MED13L: variants seen among roughly 807,000 people sequenced by gnomAD.
MED13L encodes the protein mediator complex subunit 13L, also known as mediator of RNA polymerase II transcription subunit 13-like.
Under a neutral mutation model 220.9 loss-of-function variants are expected in MED13L, and 7 were observed. The ratio of observed to expected loss-of-function variants is 0.03; its 90% CI spans 0.02 to 0.06. The LOEUF (loss-of-function observed/expected upper bound fraction) is 0.06. Ranked by LOEUF, MED13L falls within the 10% of genes least tolerant of loss-of-function variation. MED13L has a pLI of 1.00. For missense variants in MED13L, 1,965 were observed against 2,760.5 expected, an observed-to-expected ratio of 0.71 and a Z score of 6.46; for synonymous variants, 1,011 against 1,015.2, an observed-to-expected ratio of 1.00 and a Z score of 0.08.
intron 2 of MED13L, among the ~76,000 whole-genome samples, chr12:116,237,050 A>G (rs1162415870): frequency 6.6e-6 from 1 of 152,142 alleles, no homozygotes; most frequent in Non-Finnish European, 1.5e-5. Context: ...TTTCTGTATC[A>G]CTCTCCAATT....
chr12:115,968,694 T>C (rs1051856249), intron 28 of MED13L, among the ~76,000 whole-genome samples: 3 of 152,228 alleles, frequency 2.0e-5, no homozygotes, highest in Non-Finnish European at 2.9e-5. Context: ...TTAAAAACCC[T>C]TGCATCTGTA....
At chr12:116,193,824 T>G (rs1041673459) in intron 2 of MED13L, among the ~76,000 whole-genome samples, 2 of 152,180 alleles carry the variant, frequency 1.3e-5, no homozygotes. Flanking sequence ...GTCCAAAGAA[T>G]GTAACTCACA....
chr12:116,102,459 G>C (rs1873136172), intron 3 of MED13L, among the ~76,000 whole-genome samples: 1 of 152,078 alleles, frequency 6.6e-6, no homozygotes, highest in East Asian at 1.9e-4. Flanking sequence ...TACATCTTCT[G>C]TTAATCATCG....
At chr12:115,969,486 C>T (rs1876425013) in intron 27 of MED13L, among the ~76,000 whole-genome samples, 1 of 152,170 alleles carries the variant, frequency 6.6e-6, no homozygotes, top group African/African-American at 2.4e-5. Flanking sequence ...ATCTAAAACA[C>T]CAGAGGCTGA....
At chr12:116,082,261 C>CCTT (rs1871288607) in intron 4 of MED13L, among the ~76,000 whole-genome samples, 1 of 152,038 alleles carries the variant, frequency 6.6e-6, no homozygotes, top group African/African-American at 2.4e-5. Flanking sequence ...GTGACAAGTG[C>CCTT]CTAAGAAGGG....
intron 4 of MED13L, among the ~76,000 whole-genome samples, chr12:116,038,795 G>C (rs1457662996): frequency 2.1e-5 from 3 of 146,062 alleles, no homozygotes; most frequent in Non-Finnish European, 3.0e-5. Context: ...ACGAGTACTG[G>C]TGCTAGCTAG....
intron 1 of MED13L, among the ~76,000 whole-genome samples, chr12:116,245,973 A>G (rs1332545958): frequency 6.6e-6 from 1 of 152,156 alleles, no homozygotes; most frequent in African/African-American, 2.4e-5. Context: ...ATCACTGTAA[A>G]CTTTCAGCAC....
At chr12:116,076,185 A>G (rs1195552198) in intron 4 of MED13L, among the ~76,000 whole-genome samples, 1 of 152,162 alleles carries the variant, frequency 6.6e-6, no homozygotes, top group African/African-American at 2.4e-5. Flanking sequence ...AGTGCTGGCC[A>G]GAAGATTTTT....
intron 1 of MED13L, among the ~76,000 whole-genome samples, chr12:116,256,682 CTTTTT>C (rs35608298): frequency 4.2e-5 from 4 of 96,236 alleles, no homozygotes; most frequent in Admixed American, 1.4e-4. Context: ...AAACAAACTA[CTTTTT>C]TTTTTTTTTT....
At chr12:116,135,774 A>G (rs1034422497) in intron 2 of MED13L, among the ~76,000 whole-genome samples, 14 of 152,236 alleles carry the variant, frequency 9.2e-5, no homozygotes, top group African/African-American at 3.4e-4. Flanking sequence ...AAACTTTAGT[A>G]TAAGTCAATC....
intron 2 of MED13L, among the ~76,000 whole-genome samples, chr12:116,192,858 C>T (rs1376538273): frequency 6.6e-6 from 1 of 151,806 alleles, no homozygotes; most frequent in Admixed American, 6.6e-5. Flanking sequence ...ATGGGCCGGG[C>T]GCCATGGCTC....
chr12:116,276,465 C>T (rs1261001205), intron 1 of MED13L: 3 of 1,288,724 alleles, frequency 2.3e-6, no homozygotes, highest in Admixed American at 2.3e-5. Flanking sequence ...TTACGGCTCT[C>T]CAGCATAGTA....
At position 115,984,256 on chromosome 12, in the gene MED13L, G is replaced by C; in HGVS notation, c.4455C>G (p.Asn1485Lys). The change falls in exon 20 of 31, where the codon AAC becomes AAG. Residue 1485 changes from asparagine (N) to lysine (K), a missense_variant. Asn to Lys is a moderately conservative substitution (Grantham distance 94). This residue lies in a region of MED13L where 510 missense variants were observed against 620.4 expected (regional missense o/e 0.82). Coordinates refer to ENST00000281928, the MANE Select transcript of MED13L (RefSeq NM_015335.5). ...CATTCTCCTCGCCGCTCCAAGGCTGGTTAAACCACTCACTCACAAGCTCAT... is the reference window on the plus strand; with the variant it reads ...CATTCTCCTCGCCGCTCCAAGGCTGCTTAAACCACTCACTCACAAGCTCAT... ...LTDELVSEWF[N>K]QPWSGEENDN... 1 of 1,614,020 alleles carries C rather than the reference G, an allele frequency of 6.2e-7. No individual in the cohort carries two copies. Among genetic ancestry groups the C allele is most frequent in the South Asian group, 1.1e-5 (1 of 91,070 alleles).
chr12:116,268,933 T>C (rs560463008), intron 1 of MED13L, among the ~76,000 whole-genome samples: 383 of 152,326 alleles, frequency 2.5e-3, no homozygotes, highest in African/African-American at 8.9e-3. Flanking sequence ...TCTTCTCCTA[T>C]CAATTTTTTT....
intron 2 of MED13L, among the ~76,000 whole-genome samples, chr12:116,235,651 T>G (rs1275870647): frequency 6.6e-6 from 1 of 152,182 alleles, no homozygotes; most frequent in Non-Finnish European, 1.5e-5. Flanking sequence ...ACATGCAATC[T>G]AAAGCAACTA....
At chr12:116,269,595 G>C (rs1038806245) in intron 1 of MED13L, among the ~76,000 whole-genome samples, 1 of 152,080 alleles carries the variant, frequency 6.6e-6, no homozygotes, top group Non-Finnish European at 1.5e-5. Flanking sequence ...GGGAGGCTGC[G>C]GTGGGAGGAC....
In MED13L at chr12:115,991,164, C is replaced by T. The variant is rs769179538; in HGVS notation, c.3790G>A (p.Val1264Met). 6.2e-7 allele frequency: 1 copy of T among 1,614,064 alleles called. No individual in the cohort carries two copies. Among genetic ancestry groups the T allele is most frequent in the Admixed American group, 1.7e-5 (1 of 60,010 alleles). Reference protein sequence around the residue: ...LPCVSWSYDRVQADNNDYWTE... With the variant: ...LPCVSWSYDRMQADNNDYWTE... ...CAGTAATCATTATTATCTGCTTGCA[C>T]CCGGTCATAACTCCAGCTTACACAG... The change falls in exon 17 of 31, where the codon GTG (valine) becomes ATG (methionine). Residue 1264 changes from valine (V) to methionine (M), a missense_variant. Coordinates refer to ENST00000281928, the MANE Select transcript of MED13L (RefSeq NM_015335.5). The surrounding 1 kb of genome is among the most constrained non-coding windows in gnomAD (Gnocchi z 7.7).
chr12:116,200,866 A>G (rs972807658), intron 2 of MED13L, among the ~76,000 whole-genome samples: 1 of 152,214 alleles, frequency 6.6e-6, no homozygotes, highest in Non-Finnish European at 1.5e-5. Flanking sequence ...CCTATGACAT[A>G]GTAGATCGGG....
At chr12:116,006,547 C>T in intron 11 of MED13L, 136 bp from the exon 12 acceptor site, 1 of 749,000 alleles carries the variant, frequency 1.3e-6, no homozygotes. Flanking sequence ...GTCTATGCAA[C>T]CAAAGGAAGT....
Sources: gnomAD v4.1 joint callset for allele counts (sites outside exome capture counted in the v4.1 genomes callset) on GRCh38, gnomAD v4.1.1 for gene constraint, gnomAD v4.1.1 regional missense constraint, Gnocchi (gnomAD v3.1) non-coding constraint, MANE v1.5 for transcripts, NCBI Gene and HGNC (gene_info 2026-07-23, HGNC 2026-07-21) for gene names.